Variants in RRAS observed in about 807,000 individuals in gnomAD.
RRAS encodes RAS related.
In RRAS, 18 loss-of-function variants were observed where a neutral mutation model predicts 23.3. The observed-to-expected ratio is 0.77, with a 90% confidence interval of 0.53 to 1.15. The LOEUF is 1.15. Ranked by LOEUF, RRAS falls within the 50% of genes most tolerant of loss-of-function variation. The pLI, the probability that RRAS is intolerant of heterozygous loss-of-function variation, is 0.00. For missense variants in RRAS, 291 were observed against 317.1 expected, an observed-to-expected ratio of 0.92 and a Z score of 0.62; for synonymous variants, 133 against 138.3, an observed-to-expected ratio of 0.96 and a Z score of 0.27.
In RRAS at chr19:49,640,078, G is replaced by A; in HGVS notation, c.21C>T (p.Ser7=). 3 of 1,411,416 alleles carry A rather than the reference G, an allele frequency of 2.1e-6. No homozygotes were observed. The highest frequency in any genetic ancestry group is 1.5e-5 in the South Asian group (1 of 65,786). The allele number at this position is 1,411,416 out of a possible 1,614,324, so 87.4% of individuals were successfully genotyped here. A position where few individuals can be genotyped will look rare whatever the true frequency, so the allele number is the denominator to read the frequency against. The change falls in exon 1 of 6, where the codon TCC becomes TCT. Residue 7 remains serine (S), a synonymous_variant. Coordinates refer to ENST00000246792, the MANE Select transcript of RRAS (RefSeq NM_006270.5). MSSGAA[S]GTGRGRPRGG... Reference sequence around the variant, plus strand: ...CCCGGGGCCGCCCCCGCCCTGTCCCGGACGCCGCCCCGCTGCTCATGTCGC... The same window carrying A: ...CCCGGGGCCGCCCCCGCCCTGTCCCAGACGCCGCCCCGCTGCTCATGTCGC...
At chr19:49,638,293 C>A (rs917105511) in intron 1 of RRAS, among the ~76,000 whole-genome samples, 2 of 152,126 alleles carry the variant, frequency 1.3e-5, no homozygotes, top group South Asian at 4.1e-4. Context: ...GGGCCCAGGG[C>A]TGGGGCCTTT....
intron 1 of RRAS, 141 bp downstream of exon 1, chr19:49,639,805 A>C (rs930899941): frequency 3.0e-6 from 2 of 674,720 alleles, no homozygotes; most frequent in East Asian, 3.4e-5. Context: ...TTAGGTTACA[A>C]TCTGTGGGGA....
At chr19:49,637,226 C>T (rs1367747338) in intron 1 of RRAS, 96 bp from the exon 2 acceptor site, 1 of 852,584 alleles carries the variant, frequency 1.2e-6, no homozygotes, top group South Asian at 1.5e-5. Flanking sequence ...GTCCCTCTCT[C>T]TCTAAATGTC....
In RRAS at chr19:49,635,833, G is replaced by GAA. The variant is rs760978291; in HGVS notation, c.472_473insTT (p.Ser158PhefsTer77). 2.8e-4 allele frequency: 445 copies of GAA among 1,583,240 alleles called. No individual in the cohort carries two copies. The highest frequency in any genetic ancestry group is 3.6e-4 in the Non-Finnish European group (422 of 1,157,240). ...CACGTGGTGGGAGGCGCCGAAGGCA[G>GAA]AGGCTTCTGATCGGGGGACCTGGGG... On this transcript the variant is annotated frameshift_variant, in exon 5 of 6. Transcript: ENST00000246792. LOFTEE classifies it high-confidence loss of function.
chr19:49,635,867 G>T lies in RRAS; in HGVS notation c.454-15C>A. On this transcript the variant is annotated splice_polypyrimidine_tract_variant and intron_variant, in intron 4 of 5. Coordinates refer to ENST00000246792, the MANE Select transcript of RRAS (RefSeq NM_006270.5). ...GATCGGGGGACCTGGGGGTAGGGGG[G>T]ACACGGGGGAGTCAGGTCCCTGCAC... The T allele has an allele frequency of 9.1e-6, 5 of 547,836 alleles. No homozygotes were observed. The highest frequency in any genetic ancestry group is 1.7e-5 in the Non-Finnish European group (5 of 293,096). 33.9% of individuals were successfully genotyped at this position (547,836 alleles called of 1,614,324 possible). A position where few individuals can be genotyped will look rare whatever the true frequency, so the allele number is the denominator to read the frequency against.
At position 49,637,120 on chromosome 19, in the gene RRAS, A is replaced by G. The variant is rs763245501; in HGVS notation, c.164T>C (p.Val55Ala). Residue 55 changes from valine (V) to alanine (A), a missense_variant, in exon 2 of 6, where the codon GTG becomes GCG. Transcript: ENST00000246792. The part of the protein sequence containing the change: ...LTIQFIQSYF[V>A]SDYDPTIEDS... ...CTCAATAGTGGGGTCGTAGTCAGAC[A>G]CGAAGTAGGACTGGCGGGGTGGGGA... 4.3e-6 allele frequency: 7 copies of G among 1,612,692 alleles called. No homozygotes were observed. In the South Asian group the frequency reaches 6.6e-5, roughly 15 times the overall value.
In RRAS at chr19:49,636,731, C is replaced by G. The variant is rs377672475; in HGVS notation, c.345-4G>C. ...GAGCTTGCCCACCTCGTTGAAACTG[C>G]GAGTGAAGCCGGAGGCATGAGGTCC... On this transcript the variant is annotated splice_region_variant and splice_polypyrimidine_tract_variant and intron_variant, in intron 3 of 5. Transcript: ENST00000246792. This position sits in a 1 kb window ranked among gnomAD's most constrained non-coding sequence, Gnocchi z 4.5. 1.2e-6 allele frequency: 2 copies of G among 1,613,406 alleles called. No homozygotes were observed. Among genetic ancestry groups the G allele is most frequent in the South Asian group, 2.2e-5 (2 of 91,074 alleles).
At chr19:49,639,170 C>T (rs2081010401) in intron 1 of RRAS, among the ~76,000 whole-genome samples, 1 of 152,088 alleles carries the variant, frequency 6.6e-6, no homozygotes, top group African/African-American at 2.4e-5. Context: ...TGGCTCATGC[C>T]TGTAATCCCA....
At chr19:49,639,025 C>A (rs977626190) in intron 1 of RRAS, among the ~76,000 whole-genome samples, 1 of 151,952 alleles carries the variant, frequency 6.6e-6, no homozygotes, top group African/African-American at 2.4e-5. Context: ...CTTTTTAAAT[C>A]TCGGGTCGGA....
At chr19:49,637,002 T>A in intron 2 of RRAS, 41 bp downstream of exon 2, 1 of 1,607,764 alleles carries the variant, frequency 6.2e-7, no homozygotes, top group Non-Finnish European at 8.5e-7. Context: ...CAGCCCCCAC[T>A]GACACCACCC....
Position 49,640,133 on chromosome 19 carries a change from G to A in RRAS, c.-35C>T. The A allele has an allele frequency of 7.3e-7, 1 of 1,360,870 alleles. No individual in the cohort carries two copies. Among genetic ancestry groups the A allele is most frequent in the Non-Finnish European group, 9.4e-7 (1 of 1,066,462 alleles). 84.3% of individuals were successfully genotyped at this position (1,360,870 alleles called of 1,614,324 possible). On this transcript the variant is annotated 5_prime_UTR_variant, in exon 1 of 6. Coordinates refer to ENST00000246792, the MANE Select transcript of RRAS (RefSeq NM_006270.5). ...GCTGCTGCTGCCTTCGCTACCGCCT[G>A]CGGGGGAGCCGGGCGGGACCCGGGG...
chr19:49,640,139 G>T lies in RRAS; in HGVS notation c.-41C>A. The stretch of plus-strand genomic sequence containing the variant: ...GCTGCCTTCGCTACCGCCTGCGGGG[G>T]AGCCGGGCGGGACCCGGGGGGGCGG... On this transcript the variant is annotated 5_prime_UTR_variant, in exon 1 of 6. Coordinates refer to ENST00000246792, the MANE Select transcript of RRAS (RefSeq NM_006270.5). 7.4e-7 allele frequency: 1 copy of T among 1,358,348 alleles called. No individual in the cohort carries two copies. Among genetic ancestry groups the T allele is most frequent in the Non-Finnish European group, 9.4e-7 (1 of 1,064,538 alleles). The allele number at this position is 1,358,348 out of a possible 1,614,324, so 84.1% of individuals were successfully genotyped here.
At chr19:49,637,301 CTTTT>C (rs11400258) in intron 1 of RRAS, among the ~76,000 whole-genome samples, 171 bp from the exon 2 acceptor site, 2 of 104,112 alleles carry the variant, frequency 1.9e-5, no homozygotes, top group South Asian at 3.3e-4. Context: ...CTCTCTGAGT[CTTTT>C]TTTTTTTTTT....
rs1219955130 is a variant in RRAS at position 49,637,079 on chromosome 19, T to C, written c.205A>G (p.Ile69Val). 1 of 1,613,680 alleles carries C rather than the reference T, an allele frequency of 6.2e-7. No individual in the cohort carries two copies. The highest frequency in any genetic ancestry group is 8.5e-7 in the Non-Finnish European group (1 of 1,179,966). The change falls in exon 2 of 6, where the codon ATC (isoleucine) becomes GTC (valine). Residue 69 changes from isoleucine to valine, a missense_variant. By Grantham distance (29) the Ile-to-Val change is conservative. Coordinates refer to ENST00000246792, the MANE Select transcript of RRAS (RefSeq NM_006270.5). The part of the protein sequence containing the change: ...DPTIEDSYTK[I>V]CSVDGIPARL... ...GCTGGGATGCCATCCACACTGCAGA[T>C]CTTCGTGTAGGAGTCCTCAATAGTG... is the stretch of plus-strand genomic sequence containing the variant.
In RRAS at chr19:49,638,925, T is replaced by TGG. The variant is rs2081009334; in HGVS notation, c.153+1019_153+1020dup. Among the ~76,000 whole-genome samples the TGG allele has an allele frequency of 2.8e-5, 3 of 107,600 alleles. No individual in the cohort carries two copies. The South Asian group carries it at 8.8e-4, about 32-fold the overall frequency. The allele number at this position is 107,600 out of a possible 152,430, so 70.6% of individuals were successfully genotyped here. A position where few individuals can be genotyped will look rare whatever the true frequency, so the allele number is the denominator to read the frequency against. On this transcript the variant is annotated intron_variant, in intron 1 of 5. Coordinates refer to ENST00000246792, the MANE Select transcript of RRAS (RefSeq NM_006270.5). The stretch of plus-strand genomic sequence containing the variant: ...GGGCTGGTTTTCCTTGGGGGTGGGG[T>TGG]GGGAGAGTGGAGGTTTGGGCCTCCG...
chr19:49,640,083 C>T lies in RRAS; in HGVS notation c.16G>A (p.Ala6Thr). The T allele has an allele frequency of 1.1e-5, 15 of 1,403,026 alleles. No homozygotes were observed. Among genetic ancestry groups the T allele is most frequent in the Non-Finnish European group, 1.4e-5 (15 of 1,091,702 alleles). The allele number at this position is 1,403,026 out of a possible 1,614,324, so 86.9% of individuals were successfully genotyped here. A position where few individuals can be genotyped will look rare whatever the true frequency, so the allele number is the denominator to read the frequency against. ...GGCCGCCCCCGCCCTGTCCCGGACG[C>T]CGCCCCGCTGCTCATGTCGCCACCG... MSSGA[A>T]SGTGRGRPRG... Residue 6 changes from alanine to threonine, a missense_variant, in exon 1 of 6, where the codon GCG (alanine) becomes ACG (threonine). Ala to Thr is a moderately conservative substitution (Grantham distance 58). Coordinates refer to ENST00000246792, the MANE Select transcript of RRAS (RefSeq NM_006270.5).
chr19:49,637,044 G>A lies in RRAS; in HGVS notation c.240C>T (p.Asp80=). The A allele has an allele frequency of 6.2e-7, 1 of 1,613,402 alleles. No individual in the cohort carries two copies. The highest frequency in any genetic ancestry group is 1.3e-5 in the African/African-American group (1 of 75,008). ...ATCATCCATCCTTGCCGCCCTCACT[G>A]TCCAGCCGGGCTGGGATGCCATCCA... ...CSVDGIPARL[D]ILDTAGQEEF... Residue 80 remains aspartate, a splice_region_variant and synonymous_variant, in exon 2 of 6, where the codon GAC becomes GAT. Transcript: ENST00000246792.
chr19:49,635,776 A>G lies in RRAS; in HGVS notation c.530T>C (p.Leu177Pro). 1.3e-6 allele frequency: 2 copies of G among 1,594,594 alleles called. No homozygotes were observed. Among genetic ancestry groups the G allele is most frequent in the Non-Finnish European group, 1.7e-6 (2 of 1,165,988 alleles). Residue 177 changes from leucine (L) to proline (P), a missense_variant, in exon 5 of 6, where the codon CTC becomes CCC. Physicochemically the swap from Leu to Pro is moderately conservative, Grantham distance 98. Coordinates refer to ENST00000246792, the MANE Select transcript of RRAS (RefSeq NM_006270.5). ...CTGCTCAAAAGCCTCGTCCACGTTG[A>G]GACGCAGTTTGGCCGAGGCCTCAAA... ...AYFEASAKLR[L>P]NVDEAFEQLV...
rs1428526675 is a variant in RRAS at position 49,635,765 on chromosome 19, C to T, written c.541G>A (p.Glu181Lys). ...GCCCGCACCAGCTGCTCAAAAGCCT[C>T]GTCCACGTTGAGACGCAGTTTGGCC... ...ASAKLRLNVD[E>K]AFEQLVRAVR... Residue 181 changes from glutamate (E) to lysine (K), a missense_variant, in exon 5 of 6, where the codon GAG (glutamate) becomes AAG (lysine). Transcript: ENST00000246792. 9 of 1,592,130 alleles carry T rather than the reference C, an allele frequency of 5.7e-6. No individual in the cohort carries two copies. Among genetic ancestry groups the T allele is most frequent in the East Asian group, 4.5e-5 (2 of 44,126 alleles).
Sources: gnomAD v4.1 joint callset for allele counts (sites outside exome capture counted in the v4.1 genomes callset) on GRCh38, gnomAD v4.1.1 for gene constraint, Gnocchi (gnomAD v3.1) non-coding constraint, MANE v1.5 for transcripts, NCBI Gene and HGNC (gene_info 2026-07-23, HGNC 2026-07-21) for gene names.